ASPH: variants seen among roughly 807,000 people sequenced by gnomAD.
ASPH encodes the protein aspartate beta-hydroxylase.
Under a neutral mutation model 118.4 loss-of-function variants are expected in ASPH, and 100 were observed. The observed-to-expected ratio is 0.84, with a 90% CI of 0.72 to 1.00. ASPH has a LOEUF of 1.00. Ranked by LOEUF, ASPH falls within the 50% of genes least tolerant of loss-of-function variation. The pLI is 0.00. For synonymous variants in ASPH, 315 were observed against 325.6 expected (o/e 0.97, Z 0.35); for missense variants, 920 against 919.5 (o/e 1.00, Z -0.01).
chr8:61,637,993 A>G lies in ASPH; in HGVS notation c.843T>C (p.Ala281=). 1 of 1,608,170 alleles carries G rather than the reference A, an allele frequency of 6.2e-7. No individual in the cohort carries two copies. Among genetic ancestry groups the G allele is most frequent in the Non-Finnish European group, 8.5e-7 (1 of 1,177,798 alleles). Residue 281 remains alanine (A), a synonymous_variant, in exon 12 of 25, where the codon GCT becomes GCC. Transcript: ENST00000379454. ...NEGIEITEVT[A]PPEDNPVEDS... Reference sequence around the variant, plus strand: ...CTTCTACAGGATTATCCTCAGGGGGAGCAGTTACTTCTAAAATAAAGAATA... The same window carrying G: ...CTTCTACAGGATTATCCTCAGGGGGGGCAGTTACTTCTAAAATAAAGAATA...
intron 10 of ASPH, 31 bp downstream of exon 10, chr8:61,642,857 G>GAAAAAAAAAAAAAAAAAAAAAAAAAAAA (rs564151536): frequency 4.7e-6 from 5 of 1,059,260 alleles, no homozygotes; most frequent in Admixed American, 4.2e-5. Flanking sequence ...AAAAAAAAAA[G>GAAAAAAAAAAAAAAAAAAAAAAAAAAAA]AAAAAAAAAA....
chr8:61,591,762 G>A (rs1277652357), intron 14 of ASPH, among the ~76,000 whole-genome samples: 2 of 151,976 alleles, frequency 1.3e-5, no homozygotes, highest in Non-Finnish European at 2.9e-5. Flanking sequence ...CTGAAGCTTC[G>A]GGTTCTCTCC....
chr8:61,647,684 A>T (rs1042417519), intron 5 of ASPH, among the ~76,000 whole-genome samples: 18 of 152,044 alleles, frequency 1.2e-4, no homozygotes, highest in East Asian at 3.8e-4. Flanking sequence ...ATAAATAAAT[A>T]AATAAATTAA....
intron 21 of ASPH, among the ~76,000 whole-genome samples, chr8:61,538,506 C>T (rs556516784): frequency 6.6e-6 from 1 of 152,210 alleles, no homozygotes; most frequent in South Asian, 2.1e-4. Flanking sequence ...TTTGCTTTCT[C>T]AAATTATTTC....
chr8:61,705,201 C>T (rs1265192475), intron 1 of ASPH, among the ~76,000 whole-genome samples: 1 of 152,064 alleles, frequency 6.6e-6, no homozygotes, highest in East Asian at 1.9e-4. Flanking sequence ...CATTGACTAC[C>T]TACGGACACA....
intron 14 of ASPH, among the ~76,000 whole-genome samples, chr8:61,588,113 A>C (rs1840005667): frequency 1.3e-5 from 2 of 152,156 alleles, no homozygotes; most frequent in Non-Finnish European, 2.9e-5. Context: ...ATTTTGTTGA[A>C]TTTGGATCTT....
intron 1 of ASPH, among the ~76,000 whole-genome samples, chr8:61,712,294 G>A (rs1163280843): frequency 6.6e-6 from 1 of 152,126 alleles, no homozygotes; most frequent in Non-Finnish European, 1.5e-5. Context: ...TTTATCTTTC[G>A]AGTACAGCCT....
In ASPH at chr8:61,588,397, G is replaced by A. The variant is rs1840086948; in HGVS notation, c.977-4368C>T. On this transcript the variant is annotated intron_variant, in intron 14 of 24. Coordinates refer to ENST00000379454, the MANE Select transcript of ASPH (RefSeq NM_004318.4). ...ATTTGTAGATTATAAAAATTACGTTGACTCCTTTTCATTTCCACTTAGTTC... is the reference window on the plus strand; with the variant it reads ...ATTTGTAGATTATAAAAATTACGTTAACTCCTTTTCATTTCCACTTAGTTC... Among the ~76,000 whole-genome samples the A allele has an allele frequency of 2.0e-5, 3 of 152,184 alleles. No individual in the cohort carries two copies. In the South Asian group the frequency reaches 6.2e-4, roughly 32 times the overall value.
chr8:61,563,952 A>G (rs1830805283), intron 17 of ASPH, among the ~76,000 whole-genome samples: 1 of 152,162 alleles, frequency 6.6e-6, no homozygotes, highest in African/African-American at 2.4e-5. Flanking sequence ...TTCTGTCTCC[A>G]TTTGCCTCAG....
chr8:61,579,302 G>A (rs2132294887), intron 15 of ASPH: 1 of 1,614,208 alleles, frequency 6.2e-7, no homozygotes, highest in East Asian at 2.2e-5. Flanking sequence ...CTGCCCTGCA[G>A]CGGGCCAAGC....
chr8:61,609,471 G>A (rs1406605514), intron 14 of ASPH, among the ~76,000 whole-genome samples: 2 of 152,120 alleles, frequency 1.3e-5, no homozygotes, highest in South Asian at 2.1e-4. Flanking sequence ...AAGGACTGTG[G>A]GGTGGATCCC....
chr8:61,523,391 C>A lies in ASPH; in HGVS notation c.1900+2586G>T, dbSNP rs190469274. Among the ~76,000 whole-genome samples, 389 of 150,752 alleles carry A rather than the reference C, an allele frequency of 2.6e-3. 1 individual carries two copies. The highest frequency in any genetic ancestry group is 8.6e-3 in the African/African-American group (353 of 40,982). On this transcript the variant is annotated intron_variant, in intron 22 of 24. Transcript: ENST00000379454. ...AGTGCAGTGGCATGATCTCGGCTCA[C>A]TGCAATCTCTGCCTCCTGGGTTCAA...
At chr8:61,620,735 C>T (rs912124566) in intron 13 of ASPH, among the ~76,000 whole-genome samples, 1 of 152,182 alleles carries the variant, frequency 6.6e-6, no homozygotes, top group Non-Finnish European at 1.5e-5. Flanking sequence ...GCAGTACCTG[C>T]AGGAACACTG....
chr8:61,575,618 T>TA (rs918857971), intron 16 of ASPH, among the ~76,000 whole-genome samples: 1 of 152,166 alleles, frequency 6.6e-6, no homozygotes, highest in African/African-American at 2.4e-5. Context: ...TGTTAATAAT[T>TA]AAAAAAATCT....
chr8:61,642,035 A>G (rs1156876928), intron 10 of ASPH, among the ~76,000 whole-genome samples: 1 of 152,234 alleles, frequency 6.6e-6, no homozygotes, highest in Non-Finnish European at 1.5e-5. Flanking sequence ...CAGGGAAAAT[A>G]AAATCTACTT....
intron 6 of ASPH, among the ~76,000 whole-genome samples, 189 bp from the exon 7 acceptor site, chr8:61,644,821 A>G (rs1002841532): frequency 6.6e-6 from 1 of 152,190 alleles, no homozygotes; most frequent in African/African-American, 2.4e-5. Flanking sequence ...TGTCTCACAC[A>G]TTCTCCTTCT....
chr8:61,607,945 G>A (rs1418214968), intron 14 of ASPH, among the ~76,000 whole-genome samples: 1 of 152,150 alleles, frequency 6.6e-6, no homozygotes, highest in African/African-American at 2.4e-5. Context: ...TGAAATCAGG[G>A]TGGAGAATGA....
At chr8:61,616,834 CTG>C (rs1462185288) in intron 14 of ASPH, among the ~76,000 whole-genome samples, 6 of 152,234 alleles carry the variant, frequency 3.9e-5, no homozygotes, top group South Asian at 2.1e-4. Flanking sequence ...CAATTTCAGT[CTG>C]TGTGTGTACT....
At chr8:61,657,292 C>A (rs191690686) in intron 3 of ASPH, 8 of 152,154 alleles carry the variant, frequency 5.3e-5, no homozygotes, top group Admixed American at 3.9e-4. Context: ...TTAACAACAG[C>A]GATACATTCT....
Sources: allele counts gnomAD v4.1 joint callset (sites outside exome capture counted in the v4.1 genomes callset), GRCh38; gene constraint gnomAD v4.1.1; transcripts MANE v1.5; gene names NCBI Gene and HGNC (gene_info 2026-07-23, HGNC 2026-07-21).